Variants in GABRG3 observed in about 807,000 individuals in gnomAD.
The protein encoded by GABRG3 is gamma-aminobutyric acid type A receptor subunit gamma3.
In GABRG3, 25 loss-of-function variants were observed where a neutral mutation model predicts 48.8. The ratio of observed to expected loss-of-function variants is 0.51; its 90% confidence interval spans 0.37 to 0.72. The LOEUF (loss-of-function observed/expected upper bound fraction) is 0.72, where lower values mean the gene tolerates loss of function less well. GABRG3 is among the 30% of genes least tolerant of loss of function. GABRG3 has a pLI of 0.00. For missense variants in GABRG3, 394 were observed against 577.9 expected, an observed-to-expected ratio of 0.68 and a Z score of 3.26; for synonymous variants, 227 against 217.6, an observed-to-expected ratio of 1.04 and a Z score of -0.38.
intron 3 of GABRG3, among the ~76,000 whole-genome samples, chr15:27,106,484 A>G (rs909911373): frequency 6.6e-6 from 1 of 152,014 alleles, no homozygotes; most frequent in Non-Finnish European, 1.5e-5. Context: ...AGAAATGAGG[A>G]AAGATTTCAA....
intron 6 of GABRG3, among the ~76,000 whole-genome samples, chr15:27,492,397 G>A (rs191525846): frequency 1.4e-3 from 216 of 152,304 alleles, no homozygotes; most frequent in Admixed American, 2.2e-3. Context: ...AAGTTAATGC[G>A]CTGCTCCCAG....
chr15:27,082,435 C>A (rs534508487), intron 3 of GABRG3, among the ~76,000 whole-genome samples: 12 of 152,260 alleles, frequency 7.9e-5, no homozygotes, highest in Admixed American at 5.9e-4. Flanking sequence ...GCATTCATAG[C>A]TGAATTTTAA....
At chr15:27,443,991 A>G (rs1482843433) in intron 5 of GABRG3, among the ~76,000 whole-genome samples, 1 of 152,152 alleles carries the variant, frequency 6.6e-6, no homozygotes. Flanking sequence ...GTAATCATTT[A>G]TTGCTATCAT....
intron 3 of GABRG3, among the ~76,000 whole-genome samples, chr15:27,188,944 A>T (rs1285738131): frequency 1.3e-5 from 2 of 151,420 alleles, no homozygotes; most frequent in Non-Finnish European, 3.0e-5. Context: ...CTTTCTACAT[A>T]TGGCTAGCCA....
At chr15:27,498,000 C>G (rs928353031) in intron 6 of GABRG3, among the ~76,000 whole-genome samples, 25 of 152,140 alleles carry the variant, frequency 1.6e-4, no homozygotes, top group African/African-American at 6.0e-4. Context: ...TCTGTTGTTT[C>G]ATTTTAAATT....
chr15:27,490,858 G>A (rs1242717098), intron 6 of GABRG3, among the ~76,000 whole-genome samples: 1 of 152,176 alleles, frequency 6.6e-6, no homozygotes, highest in East Asian at 1.9e-4. Context: ...GAAATTGTGT[G>A]GCCCCACGTG....
intron 3 of GABRG3, among the ~76,000 whole-genome samples, chr15:27,285,466 A>G (rs892724719): frequency 1.3e-5 from 2 of 152,142 alleles, no homozygotes; most frequent in African/African-American, 2.4e-5. Context: ...CCCCACAAAA[A>G]TTTTGTCAGA....
At chr15:27,029,550 G>A (rs972372625) in intron 3 of GABRG3, among the ~76,000 whole-genome samples, 3 of 151,896 alleles carry the variant, frequency 2.0e-5, no homozygotes, top group African/African-American at 7.3e-5. Context: ...GCACACACAC[G>A]CACACACACG....
intron 3 of GABRG3, among the ~76,000 whole-genome samples, chr15:27,241,279 G>C (rs1040988925): frequency 6.6e-6 from 1 of 152,164 alleles, no homozygotes; most frequent in Non-Finnish European, 1.5e-5. Context: ...TGGGAAACCT[G>C]TATCTCTCCA....
intron 3 of GABRG3, among the ~76,000 whole-genome samples, chr15:27,091,510 A>AG (rs1470220603): frequency 6.6e-6 from 1 of 152,042 alleles, no homozygotes; most frequent in East Asian, 1.9e-4. Context: ...CTCCTCTTCT[A>AG]TTTTTGGAGG....
intron 3 of GABRG3, among the ~76,000 whole-genome samples, chr15:27,123,149 T>C (rs1897760203): frequency 6.6e-6 from 1 of 152,250 alleles, no homozygotes; most frequent in Admixed American, 6.5e-5. Context: ...GAAACTTTAA[T>C]TGAAGGTTGG....
Position 27,029,304 on chromosome 15 carries a change from C to T in GABRG3, c.270+2483C>T, listed in dbSNP as rs186423985. 4.6e-5 allele frequency among the ~76,000 whole-genome samples: 7 copies of T among 152,268 alleles called. No homozygotes were observed. In the East Asian group the frequency reaches 7.7e-4, roughly 17 times the overall value. On this transcript the variant is annotated intron_variant, in intron 3 of 9. Coordinates refer to ENST00000615808, the MANE Select transcript of GABRG3 (RefSeq NM_033223.5). ...TTTCCTCTGCAAACAGCGCCGAGGC[C>T]GCAGTCAGCGCTCAGCAGGGATGGC... is the stretch of plus-strand genomic sequence containing the variant.
intron 3 of GABRG3, among the ~76,000 whole-genome samples, chr15:27,132,681 G>T (rs1157779708): frequency 6.6e-6 from 1 of 150,480 alleles, no homozygotes; most frequent in African/African-American, 2.4e-5. Context: ...GCTGAGTTTA[G>T]TTACATGCAT....
chr15:27,281,746 C>T (rs554857462), intron 3 of GABRG3, among the ~76,000 whole-genome samples: 8 of 151,542 alleles, frequency 5.3e-5, no homozygotes, highest in Admixed American at 3.3e-4. Flanking sequence ...TAGGGTAATA[C>T]AGCAGACAAT....
Position 27,399,502 on chromosome 15 carries a change from C to T in GABRG3, c.574+70614C>T, listed in dbSNP as rs187437989. Among the ~76,000 whole-genome samples, 17 of 152,284 alleles carry T rather than the reference C, an allele frequency of 1.1e-4. 1 individual carries two copies. In the East Asian group the frequency reaches 2.3e-3, roughly 21 times the overall value. ...ATTCCTTTGCTTTCCCCAGACATAC[C>T]TAGTAACATTTGTTCAAACCATAGT... On this transcript the variant is annotated intron_variant, in intron 5 of 9. Transcript: ENST00000615808.
chr15:27,038,017 C>T (rs1896208279), intron 3 of GABRG3, among the ~76,000 whole-genome samples: 1 of 152,176 alleles, frequency 6.6e-6, no homozygotes, highest in South Asian at 2.1e-4. Context: ...GAAGAGCCTG[C>T]AGCATCCCTC....
chr15:27,205,108 G>A (rs965994375), intron 3 of GABRG3, among the ~76,000 whole-genome samples: 4 of 151,956 alleles, frequency 2.6e-5, no homozygotes, highest in Non-Finnish European at 4.4e-5. Context: ...TAGCGGTGGC[G>A]AGAGAAGGTA....
At chr15:27,019,414 G>T (rs1056679946) in intron 2 of GABRG3, among the ~76,000 whole-genome samples, 3 of 152,132 alleles carry the variant, frequency 2.0e-5, no homozygotes, top group Non-Finnish European at 4.4e-5. Flanking sequence ...ACTCCGGGAG[G>T]TTGAGGGTGG....
intron 3 of GABRG3, among the ~76,000 whole-genome samples, chr15:27,166,983 C>G (rs747517655): frequency 6.6e-6 from 1 of 152,176 alleles, no homozygotes; most frequent in South Asian, 2.1e-4. Context: ...GTTTAACTCT[C>G]CTGCTCAGTG....
Sources: gnomAD v4.1 joint callset for allele counts (sites outside exome capture counted in the v4.1 genomes callset) on GRCh38, gnomAD v4.1.1 for gene constraint, MANE v1.5 for transcripts, NCBI Gene and HGNC (gene_info 2026-07-23, HGNC 2026-07-21) for gene names.